FXN: variants seen among roughly 807,000 people sequenced by gnomAD.
FXN encodes frataxin, mitochondrial.
FXN carries 14 observed loss-of-function variants against 22.4 expected under a neutral mutation model. The observed-to-expected ratio is 0.62, with a 90% CI of 0.41 to 0.98. The LOEUF (loss-of-function observed/expected upper bound fraction) is 0.98. Among genes scored for constraint, FXN ranks in the 50% least tolerant of loss-of-function variants. FXN has a pLI of 0.00. For synonymous variants in FXN, 120 were observed against 114.1 expected (o/e 1.05, Z -0.33); for missense variants, 267 against 268.4 (o/e 0.99, Z 0.04).
intron 3 of FXN, among the ~76,000 whole-genome samples, chr9:69,061,172 C>T (rs2309393): frequency 0.36 from 54,781 of 152,186 alleles, 10,855 homozygotes; most frequent in Non-Finnish European, 0.43. Flanking sequence ...AAAAGATTTC[C>T]AATTCCGATA....
intron 3 of FXN, among the ~76,000 whole-genome samples, chr9:69,060,951 T>C (rs1284556190): frequency 2.0e-5 from 3 of 152,158 alleles, no homozygotes; most frequent in Non-Finnish European, 4.4e-5. Context: ...CAGCTCTGAA[T>C]GCAGAGGCAG....
rs541494830 is a variant in FXN, at chr9:69,058,820, G to C, written c.384+5560G>C. Among the ~76,000 whole-genome samples, 4 of 152,298 alleles carry C rather than the reference G, an allele frequency of 2.6e-5. No individual in the cohort carries two copies. The South Asian group carries it at 8.3e-4, about 32-fold the overall frequency. Reference sequence around the variant, plus strand: ...GCGGTGCCTCACGCCTGTAATCCCAGCACTTTGGGAGGCCGAGGCGGGCAG... The same window carrying C: ...GCGGTGCCTCACGCCTGTAATCCCACCACTTTGGGAGGCCGAGGCGGGCAG... On this transcript the variant is annotated intron_variant, in intron 3 of 4. Transcript: ENST00000484259.
chr9:69,071,605 G>A (rs374964384), intron 4 of FXN, among the ~76,000 whole-genome samples: 3 of 152,238 alleles, frequency 2.0e-5, no homozygotes, highest in East Asian at 1.9e-4. Flanking sequence ...CACGAATACA[G>A]CATTCCCAAA....
At position 69,077,454 on chromosome 9, in the gene FXN, G is replaced by T. The variant is rs1259750705; in HGVS notation, c.*4692G>T. 1.0e-6 allele frequency: 1 copy of T among 985,302 alleles called. No individual in the cohort carries two copies. Among genetic ancestry groups the T allele is most frequent in the Non-Finnish European group, 1.2e-6 (1 of 829,926 alleles). 61.0% of individuals were successfully genotyped at this position (985,302 alleles called of 1,614,324 possible). On this transcript the variant is annotated 3_prime_UTR_variant, in exon 5 of 5. Transcript: ENST00000484259. ...TATTAGCTGAAGATTTATTTAGACA[G>T]TTGAGGAAAACATCAGCACCCAGCA...
At chr9:69,036,025 C>T (rs1831544899) in intron 1 of FXN, 78 bp downstream of exon 1, 6 of 1,192,076 alleles carry the variant, frequency 5.0e-6, no homozygotes, top group Non-Finnish European at 6.3e-6. Flanking sequence ...GGAGGCGCCG[C>T]GCACGCCGGG....
At chr9:69,042,055 A>T (rs1278930343) in intron 1 of FXN, among the ~76,000 whole-genome samples, 1 of 152,116 alleles carries the variant, frequency 6.6e-6, no homozygotes. Context: ...CCTGACCAAC[A>T]TGCTGAAACC....
At chr9:69,048,591 G>A (rs542765715) in intron 2 of FXN, among the ~76,000 whole-genome samples, 41 of 151,360 alleles carry the variant, frequency 2.7e-4, no homozygotes, top group Non-Finnish European at 5.5e-4. Context: ...GGTAACGAGC[G>A]AAATTCCATC....
chr9:69,069,922 A>G (rs1051864216), intron 4 of FXN, among the ~76,000 whole-genome samples: 2 of 152,196 alleles, frequency 1.3e-5, no homozygotes, highest in African/African-American at 4.8e-5. Context: ...GACTCTTCCA[A>G]TTTGCTGTAA....
At chr9:69,044,533 G>A (rs763154217) in intron 1 of FXN, among the ~76,000 whole-genome samples, 1 of 152,020 alleles carries the variant, frequency 6.6e-6, no homozygotes. Context: ...ACAGTCTCTC[G>A]CCTCTTCTCT....
chr9:69,052,147 C>CT (rs1449777679), intron 2 of FXN, among the ~76,000 whole-genome samples: 140 of 120,168 alleles, frequency 1.2e-3, no homozygotes, highest in African/African-American at 3.9e-3. Context: ...CAGGCCCAGC[C>CT]TATTTTTTTT....
intron 1 of FXN, among the ~76,000 whole-genome samples, chr9:69,037,773 A>G (rs949019665): frequency 6.6e-6 from 1 of 152,218 alleles, no homozygotes; most frequent in African/African-American, 2.4e-5. Flanking sequence ...CCTGGGTTCA[A>G]GTGATTCTCC....
intron 2 of FXN, among the ~76,000 whole-genome samples, chr9:69,047,876 C>G (rs1027369242): frequency 6.6e-5 from 10 of 152,086 alleles, no homozygotes; most frequent in African/African-American, 2.4e-4. Context: ...CAGTGCCACA[C>G]CTAGCTAATT....
intron 2 of FXN, among the ~76,000 whole-genome samples, chr9:69,048,992 G>T (rs1313206184): frequency 6.6e-6 from 1 of 152,192 alleles, no homozygotes; most frequent in Non-Finnish European, 1.5e-5. Flanking sequence ...TCGGCTTCCG[G>T]CATTCCTCCC....
intron 4 of FXN, chr9:69,071,348 T>C: frequency 1.9e-6 from 1 of 513,878 alleles, no homozygotes; most frequent in South Asian, 1.4e-5. Flanking sequence ...ATACTTTTAT[T>C]GCCCAAGCTT....
chr9:69,036,049 C>G (rs1338413989), intron 1 of FXN, 102 bp downstream of exon 1: 2 of 1,062,170 alleles, frequency 1.9e-6, no homozygotes, highest in South Asian at 4.2e-5. Context: ...GCTCCGGGTA[C>G]GCGCGCTGGA....
At chr9:69,042,944 G>T (rs1336597080) in intron 1 of FXN, among the ~76,000 whole-genome samples, 1 of 152,178 alleles carries the variant, frequency 6.6e-6, no homozygotes, top group Non-Finnish European at 1.5e-5. Context: ...CTGTGTATCT[G>T]TGTAGGCAAG....
In FXN at chr9:69,074,577, G is replaced by C. The variant is rs896572222; in HGVS notation, c.*1815G>C. 105 of 984,978 alleles carry C rather than the reference G, an allele frequency of 1.1e-4. 2 individuals carry two copies. In the African/African-American group the frequency reaches 1.6e-3, roughly 15 times the overall value. 61.0% of individuals were successfully genotyped at this position (984,978 alleles called of 1,614,324 possible). On this transcript the variant is annotated 3_prime_UTR_variant, in exon 5 of 5. Transcript: ENST00000484259. ...AAGTTTGTATTAATATGTAGCAAAG[G>C]CTTTTCCAATGGGTGAATAAAAACA...
chr9:69,043,919 C>G (rs1183557934), intron 1 of FXN, among the ~76,000 whole-genome samples: 1 of 152,012 alleles, frequency 6.6e-6, no homozygotes, highest in African/African-American at 2.4e-5. Context: ...AATGAGGTCT[C>G]TCTATGTTGC....
chr9:69,058,986 T>C (rs899499208), intron 3 of FXN, among the ~76,000 whole-genome samples: 15 of 151,930 alleles, frequency 9.9e-5, no homozygotes, highest in African/African-American at 3.6e-4. Context: ...GAGAATGGTG[T>C]GAACCTGGGA....
Sources: gnomAD v4.1 joint callset for allele counts (sites outside exome capture counted in the v4.1 genomes callset) on GRCh38, gnomAD v4.1.1 for gene constraint, MANE v1.5 for transcripts, NCBI Gene and HGNC (gene_info 2026-07-23, HGNC 2026-07-21) for gene names.